The following CCNH variants were observed in gnomAD, a reference collection of about 807,000 sequenced individuals.
The protein encoded by CCNH is cyclin-H.
CCNH carries 31 observed loss-of-function variants against 41.9 expected under a neutral mutation model. The observed-to-expected ratio is 0.74, with a 90% confidence interval of 0.56 to 1.00. The LOEUF (loss-of-function observed/expected upper bound fraction) is 1.00. Ranked by LOEUF, CCNH falls within the 50% of genes least tolerant of loss-of-function variation. The pLI is 0.00. For missense variants in CCNH, 362 were observed against 388.4 expected, an observed-to-expected ratio of 0.93 and a Z score of 0.57; for synonymous variants, 138 against 136.1, an observed-to-expected ratio of 1.01 and a Z score of -0.10.
At chr5:87,382,696 C>A (rs1761803127) in intron 9 of CCNH, among the ~76,000 whole-genome samples, 1 of 152,108 alleles carries the variant, frequency 6.6e-6, no homozygotes, top group Admixed American at 6.5e-5. Context: ...CAGATAAAAT[C>A]ATATATGACA....
chr5:87,364,125 GTA>G (rs1467736651), intron 9 of CCNH, among the ~76,000 whole-genome samples: 2 of 151,954 alleles, frequency 1.3e-5, no homozygotes, highest in Non-Finnish European at 2.9e-5. Flanking sequence ...CTTTTTAGAT[GTA>G]CTTACCATTT....
chr5:87,362,697 C>T (rs772203792), intron 9 of CCNH: 2 of 1,595,252 alleles, frequency 1.3e-6, no homozygotes, highest in Non-Finnish European at 8.6e-7. Flanking sequence ...TATCATTAAC[C>T]CATTTGATAG....
At chr5:87,401,463 T>C (rs1763405516) in intron 6 of CCNH, among the ~76,000 whole-genome samples, 1 of 152,244 alleles carries the variant, frequency 6.6e-6, no homozygotes. Flanking sequence ...AAATCCTTTC[T>C]AAATCTGACT....
chr5:87,408,379 C>T (rs887466119), intron 3 of CCNH, among the ~76,000 whole-genome samples, 193 bp from the exon 4 acceptor site: 3 of 152,168 alleles, frequency 2.0e-5, no homozygotes, highest in East Asian at 1.9e-4. Context: ...CATTAGGAGA[C>T]GTAAGACAAC....
intron 9 of CCNH, chr5:87,330,962 G>T (rs1424888365): frequency 2.1e-6 from 3 of 1,435,500 alleles, no homozygotes; most frequent in Admixed American, 5.9e-5. Flanking sequence ...GTGAAGTCAT[G>T]GTTCCTCAGT....
At chr5:87,392,600 G>A (rs1762603025), downstream of CCNH, 4 of 266,986 alleles carry the variant, frequency 1.5e-5, no homozygotes, top group African/African-American at 2.3e-5. Context: ...TATTTTTGCT[G>A]TGCACTTTGG....
chr5:87,331,440 G>A lies in CCNH; in HGVS notation c.*91-12543C>T, dbSNP rs1458179717. On this transcript the variant is annotated intron_variant and NMD_transcript_variant, in intron 9 of 9. Coordinates refer to the CCNH transcript ENST00000645953. ...AGTTATCTTATAAGAGAGAGTGATC[G>A]GAGGCCAGGGTCCTTTGTACTTTCA... The A allele has an allele frequency of 2.5e-6, 4 of 1,613,746 alleles. No homozygotes were observed. Among genetic ancestry groups the A allele is most frequent in the Non-Finnish European group, 3.4e-6 (4 of 1,179,870 alleles).
downstream of CCNH, among the ~76,000 whole-genome samples, chr5:87,390,112 C>A (rs1762389689): frequency 6.6e-6 from 1 of 152,162 alleles, no homozygotes; most frequent in African/African-American, 2.4e-5. Context: ...CAAACAGATA[C>A]AGATAAGGAT....
intron 9 of CCNH, among the ~76,000 whole-genome samples, chr5:87,368,463 C>A (rs942027114): frequency 6.6e-6 from 1 of 152,132 alleles, no homozygotes; most frequent in African/African-American, 2.4e-5. Flanking sequence ...AATCCTGATG[C>A]CTGTAGTGTC....
downstream of CCNH, among the ~76,000 whole-genome samples, chr5:87,393,198 A>T (rs570768244): frequency 6.6e-6 from 1 of 152,288 alleles, no homozygotes; most frequent in East Asian, 1.9e-4. Context: ...ACCTTTCTGG[A>T]AAGTACAGCC....
At chr5:87,387,688 A>G (rs954969864), downstream of CCNH, among the ~76,000 whole-genome samples, 5 of 152,270 alleles carry the variant, frequency 3.3e-5, no homozygotes, top group South Asian at 4.1e-4. Context: ...GACCACCACA[A>G]TTTGTGGCAA....
intron 9 of CCNH, among the ~76,000 whole-genome samples, chr5:87,361,241 G>T (rs535462783): frequency 6.6e-6 from 1 of 152,332 alleles, no homozygotes; most frequent in South Asian, 2.1e-4. Context: ...TAAAAAACAG[G>T]TGGTGGACTG....
chr5:87,401,516 C>T (rs1040423043), intron 6 of CCNH, among the ~76,000 whole-genome samples, 186 bp downstream of exon 6: 2 of 152,146 alleles, frequency 1.3e-5, no homozygotes, highest in African/African-American at 4.8e-5. Flanking sequence ...ATGAACACTA[C>T]TTCCTTCTAT....
chr5:87,363,296 T>G, intron 9 of CCNH: 1 of 1,441,748 alleles, frequency 6.9e-7, no homozygotes, highest in South Asian at 1.2e-5. Flanking sequence ...TAATAATATG[T>G]AGGATTTCAC....
At chr5:87,380,704 T>C, upstream of CCNH, 1 of 1,026,254 alleles carries the variant, frequency 9.7e-7, no homozygotes, top group Non-Finnish European at 1.5e-6. Context: ...GGCTTTTATG[T>C]CAAAGCCCTG....
chr5:87,387,469 C>G (rs1414976228), downstream of CCNH, among the ~76,000 whole-genome samples: 1 of 152,062 alleles, frequency 6.6e-6, no homozygotes, highest in Non-Finnish European at 1.5e-5. Context: ...CTTTCTTAAT[C>G]AAGTTAAATT....
intron 9 of CCNH, chr5:87,318,932 G>A (rs1415206746): frequency 1.3e-5 from 2 of 152,176 alleles, no homozygotes; most frequent in East Asian, 1.9e-4. Flanking sequence ...TTCTTCCAAG[G>A]TACAATGAGA....
chr5:87,327,177 A>G (rs1208814232), intron 9 of CCNH, among the ~76,000 whole-genome samples: 1 of 152,212 alleles, frequency 6.6e-6, no homozygotes, highest in African/African-American at 2.4e-5. Flanking sequence ...TTAAGCCAAC[A>G]TTCTCTGAGG....
intron 9 of CCNH, among the ~76,000 whole-genome samples, chr5:87,352,039 AT>A (rs2112428900): frequency 1.3e-5 from 2 of 151,388 alleles, no homozygotes; most frequent in South Asian, 4.2e-4. Context: ...CCTGATTTTC[AT>A]TTTTCTTTTA....
Sources: allele counts gnomAD v4.1 joint callset (sites outside exome capture counted in the v4.1 genomes callset), GRCh38; gene constraint gnomAD v4.1.1; transcripts MANE v1.5; gene names NCBI Gene and HGNC (gene_info 2026-07-23, HGNC 2026-07-21).